The following TMEM132C variants were observed in gnomAD, a reference collection of about 807,000 sequenced individuals.
TMEM132C encodes the protein protein phosphatase 1, regulatory subunit 152.
In TMEM132C, 29 loss-of-function variants were observed where a neutral mutation model predicts 61.4. The ratio of observed to expected loss-of-function variants is 0.47; its 90% CI spans 0.35 to 0.64. TMEM132C has a LOEUF of 0.64. Among genes scored for constraint, TMEM132C ranks in the 30% least tolerant of loss-of-function variants. The probability of loss-of-function intolerance (pLI) is 0.00; values close to 1 mark genes in which losing one functional copy is unlikely to be tolerated. For synonymous variants in TMEM132C, 656 were observed against 633.1 expected (o/e 1.04, Z -0.54); for missense variants, 1,408 against 1,476.9 (o/e 0.95, Z 0.76).
chr12:128,666,620 G>A (rs1566008926), intron 4 of TMEM132C, among the ~76,000 whole-genome samples: 4 of 152,182 alleles, frequency 2.6e-5, no homozygotes, highest in African/African-American at 9.7e-5. Context: ...TAATGGGAAA[G>A]CAAGGAGCGG....
chr12:128,568,248 C>T (rs574001268), intron 3 of TMEM132C, among the ~76,000 whole-genome samples: 1 of 152,256 alleles, frequency 6.6e-6, no homozygotes, highest in South Asian at 2.1e-4. Flanking sequence ...TCATGGTGCC[C>T]CTTAATGATG....
intron 4 of TMEM132C, among the ~76,000 whole-genome samples, chr12:128,640,884 G>T (rs7132193): frequency 0.55 from 83,648 of 152,002 alleles, 26,034 homozygotes; most frequent in East Asian, 0.86. Flanking sequence ...AGAAGACCCT[G>T]TATCACACAC....
intron 2 of TMEM132C, among the ~76,000 whole-genome samples, chr12:128,506,028 T>C (rs1313851754): frequency 6.6e-6 from 1 of 152,108 alleles, no homozygotes; most frequent in Non-Finnish European, 1.5e-5. Context: ...GCATTTTGGG[T>C]TTTGTTGGCC....
At chr12:128,446,997 A>G (rs1044118511) in intron 2 of TMEM132C, among the ~76,000 whole-genome samples, 1 of 152,190 alleles carries the variant, frequency 6.6e-6, no homozygotes, top group Admixed American at 6.5e-5. Context: ...GTTGCAAGCA[A>G]CAGCAATTGG....
At chr12:128,340,599 C>T (rs1872924697) in intron 1 of TMEM132C, among the ~76,000 whole-genome samples, 1 of 152,052 alleles carries the variant, frequency 6.6e-6, no homozygotes, top group African/African-American at 2.4e-5. Context: ...TAAGCTATAG[C>T]CCAAATACTA....
intron 1 of TMEM132C, among the ~76,000 whole-genome samples, chr12:128,382,638 T>G (rs2135992163): frequency 6.6e-6 from 1 of 152,322 alleles, no homozygotes; most frequent in African/African-American, 2.4e-5. Flanking sequence ...GCTTTAATAA[T>G]AATGATTCAG....
intron 2 of TMEM132C, among the ~76,000 whole-genome samples, chr12:128,523,010 G>A (rs1872958022): frequency 6.6e-6 from 1 of 152,148 alleles, no homozygotes. Context: ...CAAGCCAAGT[G>A]CCTATAAACA....
At chr12:128,504,001 C>T (rs1007307484) in intron 2 of TMEM132C, among the ~76,000 whole-genome samples, 3 of 152,202 alleles carry the variant, frequency 2.0e-5, no homozygotes, top group Non-Finnish European at 2.9e-5. Flanking sequence ...GGAGTGAGAA[C>T]GAGAGAAGCA....
rs78915610 is a variant in TMEM132C, at chr12:128,543,665, G to A, written c.975-292G>A. On this transcript the variant is annotated intron_variant, in intron 2 of 8. Coordinates refer to ENST00000435159, the MANE Select transcript of TMEM132C (RefSeq NM_001136103.3). ...GAGGAGACGGACCCAGGCAGGCTGA[G>A]TGCATGCCTTGACAGCTCTGCCCTG... 1.7e-3 allele frequency among the ~76,000 whole-genome samples: 255 copies of A among 152,230 alleles called. 2 individuals are homozygous for A. The highest frequency in any genetic ancestry group is 5.7e-3 in the African/African-American group (237 of 41,548).
chr12:128,573,372 T>C (rs958728595), intron 3 of TMEM132C, among the ~76,000 whole-genome samples: 2 of 151,928 alleles, frequency 1.3e-5, no homozygotes, highest in African/African-American at 4.8e-5. Context: ...AAACACTGCA[T>C]GTTCTCACTC....
intron 2 of TMEM132C, among the ~76,000 whole-genome samples, chr12:128,484,322 G>A (rs1871414202): frequency 6.6e-6 from 1 of 152,172 alleles, no homozygotes; most frequent in Admixed American, 6.5e-5. Context: ...AAACATGGGG[G>A]AGGAAGGGCC....
At position 128,280,527 on chromosome 12, in the gene TMEM132C, G is replaced by T. The variant is rs566082716; in HGVS notation, c.85+13040G>T. Among the ~76,000 whole-genome samples, 47 of 152,288 alleles carry T rather than the reference G, an allele frequency of 3.1e-4. No homozygotes were observed. In the South Asian group the frequency reaches 9.5e-3, roughly 31 times the overall value. ...TATAAGGAAAACATGCTTAAATTCA[G>T]TTAACTTAATAGCGTAATCACTAGA... On this transcript the variant is annotated intron_variant, in intron 1 of 8. Transcript: ENST00000435159.
chr12:128,648,123 G>T (rs1232131312), intron 4 of TMEM132C, among the ~76,000 whole-genome samples: 1 of 151,526 alleles, frequency 6.6e-6, no homozygotes, highest in Non-Finnish European at 1.5e-5. Flanking sequence ...GTTTACTGGA[G>T]TCCATTAGCG....
Position 128,696,123 on chromosome 12 carries a change from T to C in TMEM132C, c.1929+20T>C. The C allele has an allele frequency of 3.9e-6, 6 of 1,547,808 alleles. No individual in the cohort carries two copies. Among genetic ancestry groups the C allele is most frequent in the Non-Finnish European group, 5.2e-6 (6 of 1,145,072 alleles). On this transcript the variant is annotated intron_variant, in intron 7 of 8. Coordinates refer to ENST00000435159, the MANE Select transcript of TMEM132C (RefSeq NM_001136103.3). ...ATCCAGGTAGGAAGCTGGGAGTCTC[T>C]GTGTCCCCAGCACTGGGCATGTGTG...
At chr12:128,611,299 C>T (rs1276398542) in intron 3 of TMEM132C, among the ~76,000 whole-genome samples, 1 of 152,160 alleles carries the variant, frequency 6.6e-6, no homozygotes, top group Non-Finnish European at 1.5e-5. Context: ...CTTTCTTCCT[C>T]TCTCCTTCCC....
intron 5 of TMEM132C, 52 bp from the exon 6 acceptor site, chr12:128,693,777 C>G (rs1430101992): frequency 4.5e-6 from 7 of 1,540,196 alleles, no homozygotes; most frequent in Non-Finnish European, 5.3e-6. Context: ...AAAGGATTGT[C>G]TCCAAGGCTC....
At chr12:128,324,021 C>G (rs140381952) in intron 1 of TMEM132C, among the ~76,000 whole-genome samples, 1 of 152,184 alleles carries the variant, frequency 6.6e-6, no homozygotes, top group Non-Finnish European at 1.5e-5. Context: ...AATAAAGGGA[C>G]AGATCTCAGT....
At chr12:128,622,733 C>T (rs541107110) in intron 4 of TMEM132C, among the ~76,000 whole-genome samples, 13 of 152,044 alleles carry the variant, frequency 8.6e-5, no homozygotes, top group African/African-American at 2.2e-4. Flanking sequence ...GCAGGCGTGT[C>T]GTAGGATGTG....
intron 3 of TMEM132C, among the ~76,000 whole-genome samples, chr12:128,599,504 C>T (rs1257557519): frequency 6.6e-6 from 1 of 152,216 alleles, no homozygotes; most frequent in Non-Finnish European, 1.5e-5. Context: ...CTGCTACTTT[C>T]ATACAGAAAT....
Sources: gnomAD v4.1 joint callset for allele counts (sites outside exome capture counted in the v4.1 genomes callset) on GRCh38, gnomAD v4.1.1 for gene constraint, MANE v1.5 for transcripts, NCBI Gene and HGNC (gene_info 2026-07-23, HGNC 2026-07-21) for gene names.